Variants in ARHGEF10 observed in about 807,000 individuals in gnomAD.
The protein encoded by ARHGEF10 is Rho guanine nucleotide exchange factor (GEF) 10.
A neutral mutation model predicts 147.4 loss-of-function variants in ARHGEF10; 140 were observed. The observed-to-expected ratio is 0.95, with a 90% CI of 0.83 to 1.09. The LOEUF is 1.09. Ranked by LOEUF, ARHGEF10 falls within the 50% of genes least tolerant of loss-of-function variation. The pLI is 0.00. For synonymous variants in ARHGEF10, 902 were observed against 695.8 expected (o/e 1.30, Z -4.67); for missense variants, 2,222 against 1,752.7 (o/e 1.27, Z -4.78).
At chr8:1,856,028 G>T (rs575273462) in intron 2 of ARHGEF10, among the ~76,000 whole-genome samples, 14 of 152,182 alleles carry the variant, frequency 9.2e-5, no homozygotes, top group African/African-American at 3.4e-4. Flanking sequence ...GAAATTAGCG[G>T]TTCTGTCCAT....
chr8:1,834,511 T>C (rs1444907026), intron 1 of ARHGEF10, among the ~76,000 whole-genome samples: 2 of 152,068 alleles, frequency 1.3e-5, no homozygotes, highest in Admixed American at 1.3e-4. Context: ...ATCCAGATGG[T>C]CACAAAACAC....
chr8:1,896,752 A>G (rs932631273), intron 14 of ARHGEF10, among the ~76,000 whole-genome samples: 1 of 152,220 alleles, frequency 6.6e-6, no homozygotes, highest in Non-Finnish European at 1.5e-5. Context: ...GTCCTTCGGT[A>G]TGGTATTAGG....
chr8:1,911,236 A>T (rs1811329601), intron 18 of ARHGEF10, among the ~76,000 whole-genome samples: 1 of 152,136 alleles, frequency 6.6e-6, no homozygotes, highest in Middle Eastern at 3.2e-3. Flanking sequence ...AGTTAAGGGG[A>T]CTTTGAAACA....
intron 25 of ARHGEF10, 135 bp downstream of exon 25, chr8:1,929,578 C>T (rs957132516): frequency 4.6e-6 from 5 of 1,086,760 alleles, no homozygotes; most frequent in Admixed American, 3.0e-5. Flanking sequence ...GCTCGTCACC[C>T]TTGCCCAAGG....
intron 11 of ARHGEF10, among the ~76,000 whole-genome samples, chr8:1,887,907 G>A (rs113854897): frequency 4.0e-5 from 6 of 150,260 alleles, no homozygotes; most frequent in South Asian, 4.3e-4. Context: ...AAGGAAACAC[G>A]GAGTGGGGTG....
chr8:1,902,939 G>A (rs940782622), intron 15 of ARHGEF10, among the ~76,000 whole-genome samples: 1 of 152,204 alleles, frequency 6.6e-6, no homozygotes, highest in African/African-American at 2.4e-5. Flanking sequence ...CTGTGCATGG[G>A]TTCATCTGTC....
chr8:1,911,658 C>T (rs931612124), intron 18 of ARHGEF10, among the ~76,000 whole-genome samples: 2 of 152,084 alleles, frequency 1.3e-5, no homozygotes, highest in Non-Finnish European at 2.9e-5. Context: ...CAGGGTGGAC[C>T]GACAGTCTCT....
rs1812588207 is a variant in ARHGEF10, at chr8:1,925,172, C to T, written c.2489-111C>T. ...CAAGTAAAACATGGCGTTGTCTGGC[C>T]CTGTACAAACAGAATGCCAGAAACT... On this transcript the variant is annotated intron_variant, in intron 21 of 28. Coordinates refer to ENST00000349830, the MANE Select transcript of ARHGEF10 (RefSeq NM_014629.4). 1.4e-5 allele frequency: 19 copies of T among 1,331,616 alleles called. No homozygotes were observed. In the South Asian group the frequency reaches 2.2e-4, roughly 16 times the overall value. The allele number at this position is 1,331,616 out of a possible 1,614,324, so 82.5% of individuals were successfully genotyped here.
chr8:1,884,541 G>T (rs973399336), intron 10 of ARHGEF10, among the ~76,000 whole-genome samples: 1 of 152,166 alleles, frequency 6.6e-6, no homozygotes, highest in East Asian at 1.9e-4. Flanking sequence ...GCTGGTGCCA[G>T]GCCCTCCTTC....
At chr8:1,918,839 TG>T (rs2129201379) in intron 18 of ARHGEF10, among the ~76,000 whole-genome samples, 1 of 152,122 alleles carries the variant, frequency 6.6e-6, no homozygotes, top group East Asian at 1.9e-4. Context: ...AGCTGTTCTG[TG>T]GGTGATAGAG....
At chr8:1,876,471 AC>A in intron 7 of ARHGEF10, 99 bp from the exon 8 acceptor site, 5 of 1,252,252 alleles carry the variant, frequency 4.0e-6, no homozygotes, top group Non-Finnish European at 4.7e-6. Context: ...ATTTCCTTCC[AC>A]CCCCAGCTCT....
At chr8:1,866,499 C>T (rs1238438431) in intron 5 of ARHGEF10, 27 bp from the exon 6 acceptor site, 3 of 1,611,376 alleles carry the variant, frequency 1.9e-6, no homozygotes, top group East Asian at 2.2e-5. Flanking sequence ...CCTGGATATT[C>T]TGACTTTATG....
chr8:1,851,116 G>A (rs57028326), intron 2 of ARHGEF10, among the ~76,000 whole-genome samples: 19,357 of 151,420 alleles, frequency 0.13, 1,518 homozygotes, highest in African/African-American at 0.21. Flanking sequence ...GTCATTACAC[G>A]CCTGTCCAAA....
chr8:1,954,218 C>G (rs1327634326), intron 28 of ARHGEF10, among the ~76,000 whole-genome samples: 1 of 152,080 alleles, frequency 6.6e-6, no homozygotes, highest in African/African-American at 2.4e-5. Flanking sequence ...CTCAGCCTCC[C>G]TAGTAGCTGG....
At chr8:1,933,550 C>T (rs1373472003) in intron 25 of ARHGEF10, among the ~76,000 whole-genome samples, 1 of 60,742 alleles carries the variant, frequency 1.6e-5, no homozygotes, top group Non-Finnish European at 3.3e-5. Flanking sequence ...AGGGGATAGG[C>T]AGGGGGGCGG....
At chr8:1,867,180 T>C (rs1585320906) in intron 6 of ARHGEF10, among the ~76,000 whole-genome samples, 1 of 152,188 alleles carries the variant, frequency 6.6e-6, no homozygotes, top group African/African-American at 2.4e-5. Flanking sequence ...TCTTATTTAT[T>C]TGTAACTTAA....
chr8:1,878,739 C>A (rs992929884), intron 8 of ARHGEF10, among the ~76,000 whole-genome samples: 3 of 152,192 alleles, frequency 2.0e-5, no homozygotes, highest in African/African-American at 7.2e-5. Context: ...ATTCAGGAGA[C>A]CCTGCCCTTG....
At chr8:1,855,736 G>T (rs1805501760) in intron 2 of ARHGEF10, among the ~76,000 whole-genome samples, 2 of 152,166 alleles carry the variant, frequency 1.3e-5, no homozygotes, top group Non-Finnish European at 2.9e-5. Context: ...CATTTAGTCG[G>T]CATTGTTTCC....
intron 6 of ARHGEF10, 129 bp from the exon 7 acceptor site, chr8:1,869,065 A>C: frequency 1.2e-6 from 1 of 843,852 alleles, no homozygotes; most frequent in South Asian, 1.5e-5. Context: ...AAAAATAAAA[A>C]AAAAACTACC....
Sources: gnomAD v4.1 joint callset for allele counts (sites outside exome capture counted in the v4.1 genomes callset) on GRCh38, gnomAD v4.1.1 for gene constraint, MANE v1.5 for transcripts, NCBI Gene and HGNC (gene_info 2026-07-23, HGNC 2026-07-21) for gene names.